Variants in COLEC10 observed in about 807,000 individuals in gnomAD.
COLEC10 encodes the protein collectin-10.
A neutral mutation model predicts 28.4 loss-of-function variants in COLEC10; 22 were observed. The observed-to-expected ratio is 0.78, with a 90% confidence interval of 0.55 to 1.11. The LOEUF is 1.11. Among genes scored for constraint, COLEC10 ranks in the 50% least tolerant of loss-of-function variants. The pLI is 0.00. For synonymous variants in COLEC10, 125 were observed against 116.1 expected (o/e 1.08, Z -0.49); for missense variants, 361 against 344.1 (o/e 1.05, Z -0.39).
chr8:119,092,310 G>C (rs905789250), intron 3 of COLEC10, among the ~76,000 whole-genome samples: 1 of 152,006 alleles, frequency 6.6e-6, no homozygotes, highest in African/African-American at 2.4e-5. Flanking sequence ...GACCTCAGGT[G>C]ATCTGCCCGC....
chr8:119,026,300 T>C (rs1814190226), intron 2 of COLEC10, among the ~76,000 whole-genome samples: 1 of 152,176 alleles, frequency 6.6e-6, no homozygotes, highest in African/African-American at 2.4e-5. Flanking sequence ...ATGCCTGTAA[T>C]CCTAGCACTT....
At chr8:119,053,085 A>G (rs1053767618) in intron 2 of COLEC10, among the ~76,000 whole-genome samples, 3 of 152,110 alleles carry the variant, frequency 2.0e-5, no homozygotes, top group Non-Finnish European at 4.4e-5. Flanking sequence ...CTCAATTTTA[A>G]GTGGTTTGAT....
chr8:119,096,061 AAAT>A (rs150464595), intron 3 of COLEC10, among the ~76,000 whole-genome samples: 14,367 of 152,196 alleles, frequency 0.094, 787 homozygotes, highest in Middle Eastern at 0.19. Flanking sequence ...TCATGTATAA[AAAT>A]AATAATCTCG....
At chr8:119,002,283 T>C (rs1813715797) in intron 1 of COLEC10, among the ~76,000 whole-genome samples, 1 of 152,158 alleles carries the variant, frequency 6.6e-6, no homozygotes, top group South Asian at 2.1e-4. Flanking sequence ...GTAGTAGTAT[T>C]AATAAAACAT....
At chr8:119,018,102 C>G (rs1587000656) in intron 2 of COLEC10, among the ~76,000 whole-genome samples, 1 of 152,176 alleles carries the variant, frequency 6.6e-6, no homozygotes, top group African/African-American at 2.4e-5. Flanking sequence ...TGGAATTAAA[C>G]TCTGCCTGTA....
chr8:118,955,521 A>G, the COLEC10 span, among the ~76,000 whole-genome samples: 1 of 152,228 alleles, frequency 6.6e-6, no homozygotes, highest in East Asian at 1.9e-4. Context: ...ATTCATTACC[A>G]TAGCCCTTTC....
chr8:119,069,641 T>A (rs1275130760), intron 1 of COLEC10, among the ~76,000 whole-genome samples: 4,246 of 65,674 alleles, frequency 0.065, 239 homozygotes, highest in African/African-American at 0.14. Flanking sequence ...TATATATATA[T>A]ATATATATAT....
In COLEC10 at chr8:119,067,439, G is replaced by A; in HGVS notation, c.148+10G>A. On this transcript the variant is annotated intron_variant, in intron 1 of 5. Transcript: ENST00000332843. The stretch of plus-strand genomic sequence containing the variant: ...TCACCAGGACCCAAAGGTGAGGAAA[G>A]AAAACCACAATTTTCATGTATAATA... 1 of 1,611,180 alleles carries A rather than the reference G, an allele frequency of 6.2e-7. No homozygotes were observed. The highest frequency in any genetic ancestry group is 2.2e-5 in the East Asian group (1 of 44,824).
chr8:119,069,629 A>AAAAAATATATATATATATAT (rs1554627284), intron 1 of COLEC10, among the ~76,000 whole-genome samples: 4 of 42,876 alleles, frequency 9.3e-5, no homozygotes, highest in Non-Finnish European at 1.8e-4. Context: ...AAAAAAAAAA[A>AAAAAATATATATATATATAT]ATATATATAT....
At chr8:119,044,361 A>C (rs1428648789) in intron 2 of COLEC10, among the ~76,000 whole-genome samples, 1 of 152,224 alleles carries the variant, frequency 6.6e-6, no homozygotes, top group Non-Finnish European at 1.5e-5. Flanking sequence ...AACACTATGT[A>C]CTTGAAAATG....
intron 3 of COLEC10, among the ~76,000 whole-genome samples, chr8:119,094,410 A>G (rs1304536828): frequency 5.3e-5 from 8 of 152,234 alleles, no homozygotes; most frequent in Non-Finnish European, 8.8e-5. Flanking sequence ...GACAAAATTC[A>G]GACTTCTGCT....
intron 2 of COLEC10, among the ~76,000 whole-genome samples, chr8:119,012,116 T>C (rs1813909082): frequency 6.6e-6 from 1 of 150,890 alleles, no homozygotes; most frequent in South Asian, 2.1e-4. Context: ...ATAGATATTT[T>C]CTATCAGTTG....
chr8:119,089,447 A>G (rs1328784980), intron 1 of COLEC10, among the ~76,000 whole-genome samples: 3 of 152,228 alleles, frequency 2.0e-5, no homozygotes, highest in African/African-American at 7.2e-5. Flanking sequence ...AGCAACAAGA[A>G]TATTTCTTCA....
intron 3 of COLEC10, among the ~76,000 whole-genome samples, chr8:119,096,231 G>A (rs555135567): frequency 2.2e-4 from 33 of 152,218 alleles, no homozygotes; most frequent in African/African-American, 2.6e-4. Flanking sequence ...TAGCCAACAC[G>A]TTTTTAAACA....
chr8:119,050,190 A>T (rs1814652705), intron 2 of COLEC10, among the ~76,000 whole-genome samples: 1 of 149,378 alleles, frequency 6.7e-6, no homozygotes, highest in African/African-American at 2.4e-5. Flanking sequence ...GTATGAGATT[A>T]TCGAAGATAA....
At chr8:118,990,076 G>A in the COLEC10 span, among the ~76,000 whole-genome samples, 19 of 149,916 alleles carry the variant, frequency 1.3e-4, no homozygotes, top group South Asian at 6.2e-4. Flanking sequence ...AATAGGGTAC[G>A]TAATTTCAAA....
the COLEC10 span, among the ~76,000 whole-genome samples, chr8:118,984,943 A>G: frequency 6.6e-6 from 1 of 152,114 alleles, no homozygotes; most frequent in African/African-American, 2.4e-5. Context: ...AAACCATCAT[A>G]TCTCGTGAGA....
intron 2 of COLEC10, among the ~76,000 whole-genome samples, chr8:119,014,298 G>A (rs1456295450): frequency 7.3e-5 from 11 of 149,894 alleles, no homozygotes; most frequent in Admixed American, 7.3e-4. Flanking sequence ...GTTTGAGAAA[G>A]TCTTTATTTC....
chr8:119,072,263 G>A (rs1815139059), intron 1 of COLEC10, among the ~76,000 whole-genome samples: 1 of 150,546 alleles, frequency 6.6e-6, no homozygotes, highest in Admixed American at 6.6e-5. Context: ...AAGATTGCTA[G>A]CACACATTGA....
Sources: gnomAD v4.1 joint callset for allele counts (sites outside exome capture counted in the v4.1 genomes callset) on GRCh38, gnomAD v4.1.1 for gene constraint, MANE v1.5 for transcripts, NCBI Gene and HGNC (gene_info 2026-07-23, HGNC 2026-07-21) for gene names.